The following TRPV5 variants were observed in gnomAD, a reference collection of about 807,000 sequenced individuals.
TRPV5 encodes the protein transient receptor potential cation channel subfamily V member 5.
In TRPV5, 66 loss-of-function variants were observed where a neutral mutation model predicts 74.1. The observed-to-expected ratio is 0.89, with a 90% CI of 0.73 to 1.09. The LOEUF (loss-of-function observed/expected upper bound fraction) is 1.09, where lower values mean the gene tolerates loss of function less well. Ranked by LOEUF, TRPV5 falls within the 50% of genes least tolerant of loss-of-function variation. The pLI is 0.00. For synonymous variants in TRPV5, 399 were observed against 360.7 expected, an observed-to-expected ratio of 1.11 and a Z score of -1.20; for missense variants, 936 against 930.4, an observed-to-expected ratio of 1.01 and a Z score of -0.08.
chr7:142,912,567 AG>A lies in TRPV5; in HGVS notation c.1702del (p.Leu568CysfsTer10). 7 of 1,614,160 alleles carry A rather than the reference AG, an allele frequency of 4.3e-6. No homozygotes were observed. Among genetic ancestry groups the A allele is most frequent in the Non-Finnish European group, 5.1e-6 (6 of 1,179,952 alleles). On this transcript the variant is annotated frameshift_variant, in exon 13 of 15. Transcript: ENST00000265310. LOFTEE classifies it high-confidence loss of function. ...GGCGATGAACAAGTTGAGCATGAGC[AG>A]TGTGGCAATGATGGTGAAGGCGAAG... is the stretch of plus-strand genomic sequence containing the variant. ...VNFAFTIIAT[L>X]LMLNLFIAMM...
chr7:142,925,213 C>T, intron 8 of TRPV5: 1 of 551,912 alleles, frequency 1.8e-6, no homozygotes, highest in Non-Finnish European at 3.2e-6. Context: ...TAGAGTTTAC[C>T]TTGAACATCC....
intron 14 of TRPV5, 60 bp from the exon 15 acceptor site, chr7:142,908,868 G>A: frequency 6.5e-7 from 1 of 1,531,898 alleles, no homozygotes; most frequent in Middle Eastern, 2.4e-4. Context: ...CAGGGGAGAA[G>A]TAGAGGTGAC....
intron 10 of TRPV5, 56 bp from the exon 11 acceptor site, chr7:142,915,102 A>G: frequency 6.3e-7 from 1 of 1,593,918 alleles, no homozygotes; most frequent in Non-Finnish European, 8.6e-7. Flanking sequence ...TTAGGTCCCT[A>G]CAGCATAGTG....
intron 14 of TRPV5, 116 bp from the exon 15 acceptor site, chr7:142,908,924 A>G: frequency 9.6e-7 from 1 of 1,037,642 alleles, no homozygotes; most frequent in Non-Finnish European, 1.4e-6. Context: ...AAGGCAGCAG[A>G]GTTGAAACAG....
intron 8 of TRPV5, among the ~76,000 whole-genome samples, chr7:142,924,203 G>A (rs972841952): frequency 7.0e-6 from 1 of 143,166 alleles, no homozygotes; most frequent in East Asian, 2.0e-4. Context: ...AGTGTATCTG[G>A]ACACATGACA....
intron 4 of TRPV5, 48 bp from the exon 5 acceptor site, chr7:142,929,168 T>C: frequency 1.3e-6 from 2 of 1,598,812 alleles, no homozygotes; most frequent in South Asian, 2.2e-5. Context: ...GATGGCAGGA[T>C]GGGGTGGGCA....
chr7:142,924,774 A>G (rs1461152019), intron 8 of TRPV5: 1 of 152,206 alleles, frequency 6.6e-6, no homozygotes, highest in Non-Finnish European at 1.5e-5. Flanking sequence ...ATCCACAAAG[A>G]GTCAACCCCT....
rs760518716 is a variant in TRPV5, at chr7:142,925,748, T to C, written c.910-7A>G. The C allele has an allele frequency of 6.2e-7, 1 of 1,612,860 alleles. No individual in the cohort carries two copies. The highest frequency in any genetic ancestry group is 8.5e-7 in the Non-Finnish European group (1 of 1,179,368). Reference sequence around the variant, plus strand: ...GTTCCAGAATTTGGCGAGCCTGGCATGGAAGTAGAGTGAAACTTGGGGTGA... The same window carrying C: ...GTTCCAGAATTTGGCGAGCCTGGCACGGAAGTAGAGTGAAACTTGGGGTGA... On this transcript the variant is annotated splice_region_variant and splice_polypyrimidine_tract_variant and intron_variant, in intron 7 of 14. Coordinates refer to ENST00000265310, the MANE Select transcript of TRPV5 (RefSeq NM_019841.7).
chr7:142,915,326 C>T lies in TRPV5; in HGVS notation c.1267G>A (p.Gly423Arg), dbSNP rs761523768. Residue 423 changes from glycine (G) to arginine (R), a missense_variant, in exon 10 of 15, where the codon GGG becomes AGG. Coordinates refer to ENST00000265310, the MANE Select transcript of TRPV5 (RefSeq NM_019841.7). Reference sequence around the variant, plus strand: ...ACTCACATGATGACATGGAATGGCCCCCCAAGAATCGTCTTTCCAAAATAG... The same window carrying T: ...ACTCACATGATGACATGGAATGGCCTCCCAAGAATCGTCTTTCCAAAATAG... ...SRYFGKTILG[G>R]PFHVIIITYA... 1 of 1,608,550 alleles carries T rather than the reference C, an allele frequency of 6.2e-7. No individual in the cohort carries two copies. Among genetic ancestry groups the T allele is most frequent in the Non-Finnish European group, 8.5e-7 (1 of 1,178,680 alleles).
chr7:142,910,609 C>T (rs1455962546), intron 13 of TRPV5, among the ~76,000 whole-genome samples: 1 of 152,190 alleles, frequency 6.6e-6, no homozygotes, highest in East Asian at 1.9e-4. Flanking sequence ...AAATTCTTCA[C>T]CTCATGTTTT....
At chr7:142,930,580 T>A (rs1796072822) in intron 1 of TRPV5, 134 bp from the exon 2 acceptor site, 1 of 717,112 alleles carries the variant, frequency 1.4e-6, no homozygotes, top group African/African-American at 1.7e-5. Context: ...AAGAAGTGCC[T>A]ACTGGACTCG....
chr7:142,912,816 G>T, intron 12 of TRPV5, 66 bp from the exon 13 acceptor site: 6 of 1,529,554 alleles, frequency 3.9e-6, no homozygotes, highest in Non-Finnish European at 4.5e-6. Context: ...CATGGACATG[G>T]TTAGCACTTA....
At position 142,929,085 on chromosome 7, in the gene TRPV5, T is replaced by G. The variant is rs768541005; in HGVS notation, c.523A>C (p.Ser175Arg). Residue 175 changes from serine to arginine, a missense_variant, in exon 5 of 15, where the codon AGC becomes CGC. Transcript: ENST00000265310. Reference protein sequence around the residue: ...HPLSFAACVNSEEIVRLLIEH... With the variant: ...HPLSFAACVNREEIVRLLIEH... ...ATGAGCAGCCGCACGATCTCCTCGC[T>G]GTTCACACAGGCAGCAAAGGACAAA... 1.2e-6 allele frequency: 2 copies of G among 1,614,002 alleles called. No homozygotes were observed. Among genetic ancestry groups the G allele is most frequent in the Admixed American group, 1.7e-5 (1 of 60,008 alleles).
At position 142,915,469 on chromosome 7, in the gene TRPV5, G is replaced by C. The variant is rs758267489; in HGVS notation, c.1209+13C>G. 6.2e-7 allele frequency: 1 copy of C among 1,613,214 alleles called. No homozygotes were observed. On this transcript the variant is annotated intron_variant, in intron 9 of 14. Transcript: ENST00000265310. ...ATGGGATGGGATTAGCCTGGACCCC[G>C]CCTGCCCCTCACCTCTAGGAGCAGG...
Position 142,912,591 on chromosome 7 carries a change from A to G in TRPV5, c.1679T>C (p.Phe560Ser). ...DLPFMFSIVN[F>S]AFTIIATLLM... ...CAGTGTGGCAATGATGGTGAAGGCG[A>G]AGTTGACAATGCTGAACATGAAGGG... is the stretch of plus-strand genomic sequence containing the variant. Residue 560 changes from phenylalanine (F) to serine (S), a missense_variant, in exon 13 of 15, where the codon TTC becomes TCC. Physicochemically the swap from Phe to Ser is radical, Grantham distance 155 (BLOSUM62 -2). Transcript: ENST00000265310. The G allele has an allele frequency of 6.2e-7, 1 of 1,614,246 alleles. No individual in the cohort carries two copies. Among genetic ancestry groups the G allele is most frequent in the Non-Finnish European group, 8.5e-7 (1 of 1,180,048 alleles).
intron 13 of TRPV5, among the ~76,000 whole-genome samples, chr7:142,910,386 A>G (rs976779664): frequency 6.6e-6 from 1 of 152,208 alleles, no homozygotes; most frequent in Non-Finnish European, 1.5e-5. Context: ...TATATTTGCT[A>G]AAAGACCTGA....
chr7:142,933,182 T>G, intron 1 of TRPV5, 150 bp downstream of exon 1: 5 of 1,126,390 alleles, frequency 4.4e-6, no homozygotes, highest in South Asian at 3.2e-5. Flanking sequence ...TGGGATTCTG[T>G]AATTAGGTGG....
At chr7:142,930,550 G>A in intron 1 of TRPV5, 104 bp from the exon 2 acceptor site, 1 of 867,822 alleles carries the variant, frequency 1.2e-6, no homozygotes, top group Non-Finnish European at 1.9e-6. Context: ...GACTCACACA[G>A]CGTGCAGTGA....
chr7:142,928,863 T>C lies in TRPV5; in HGVS notation c.590A>G (p.Asn197Ser), dbSNP rs1057286614. 3.1e-6 allele frequency: 5 copies of C among 1,613,818 alleles called. No homozygotes were observed. In the African/African-American group the frequency reaches 6.7e-5, roughly 22 times the overall value. ...GAGGATGAGGATGTGTAATACTGTG[T>C]TTCCTGGGGAGGACGCAGGGTATCA... ...ADIRAQDSLG[N>S]TVLHILILQP... The change falls in exon 6 of 15, where the codon AAC becomes AGC. Residue 197 changes from asparagine (N) to serine (S), a missense_variant. Coordinates refer to ENST00000265310, the MANE Select transcript of TRPV5 (RefSeq NM_019841.7).
Sources: allele counts gnomAD v4.1 joint callset (sites outside exome capture counted in the v4.1 genomes callset), GRCh38; gene constraint gnomAD v4.1.1; transcripts MANE v1.5; gene names NCBI Gene and HGNC (gene_info 2026-07-23, HGNC 2026-07-21).